Variants in CNTN6 observed in about 807,000 individuals in gnomAD.
The protein encoded by CNTN6 is contactin 6, also known as contactin-6.
A neutral mutation model predicts 122.8 loss-of-function variants in CNTN6; 137 were observed. That is an observed-to-expected ratio of 1.12 (90% CI 0.97 to 1.29). The LOEUF is 1.29. Among genes scored for constraint, CNTN6 ranks in the 50% most tolerant of loss-of-function variants. The pLI is 0.00. For missense variants in CNTN6, 1,634 were observed against 1,223.4 expected (o/e 1.34, Z -5.01); for synonymous variants, 570 against 426.0 (o/e 1.34, Z -4.16).
At chr3:1,199,469 C>A (rs907835812) in intron 2 of CNTN6, among the ~76,000 whole-genome samples, 1 of 152,002 alleles carries the variant, frequency 6.6e-6, no homozygotes, top group Non-Finnish European at 1.5e-5. Flanking sequence ...TGTGAGCCAC[C>A]ACACCCAGCC....
intron 19 of CNTN6, among the ~76,000 whole-genome samples, chr3:1,384,716 A>G: frequency 7.3e-6 from 1 of 137,478 alleles, no homozygotes; most frequent in East Asian, 2.0e-4. Context: ...ACATATACAT[A>G]CTATATATAC....
At chr3:1,330,008 G>T in intron 11 of CNTN6, 73 bp downstream of exon 11, 1 of 1,193,372 alleles carries the variant, frequency 8.4e-7, no homozygotes, top group Non-Finnish European at 1.1e-6. Context: ...GGTTTTAGTA[G>T]GCCTTTCAAA....
At position 1,359,897 on chromosome 3, in the gene CNTN6, G is replaced by C. The variant is rs562068634; in HGVS notation, c.1492+7446G>C. On this transcript the variant is annotated intron_variant, in intron 12 of 22. Transcript: ENST00000446702. The stretch of plus-strand genomic sequence containing the variant: ...GTGTTTGCTTTCCCTTCTTTTGTTC[G>C]TTTGCTTAGTTTTCTACGGACTTGC... Among the ~76,000 whole-genome samples the C allele has an allele frequency of 2.1e-3, 317 of 151,900 alleles. 3 individuals carry two copies. Among genetic ancestry groups the C allele is most frequent in the South Asian group, 0.016 (77 of 4,818 alleles).
intron 7 of CNTN6, among the ~76,000 whole-genome samples, chr3:1,319,997 A>T (rs1017385169): frequency 6.6e-6 from 1 of 151,666 alleles, no homozygotes; most frequent in Non-Finnish European, 1.5e-5. Flanking sequence ...GTGAATATCT[A>T]TGTGAATAAA....
At position 1,297,930 on chromosome 3, in the gene CNTN6, C is replaced by T. The variant is rs267599602; in HGVS notation, c.700C>T (p.Pro234Ser). 1 of 1,612,794 alleles carries T rather than the reference C, an allele frequency of 6.2e-7. No homozygotes were observed. ...EYEPKIEVRF[P>S]ETIQAAKDSS... ...TGAACCAAAGATTGAAGTGCGTTTT[C>T]CTGAAACTATACAAGCTGCAAAGGA... The change falls in exon 7 of 23, where the codon CCT becomes TCT. Residue 234 changes from proline to serine, a missense_variant. By Grantham distance (74) the Pro-to-Ser change is moderately conservative. Coordinates refer to ENST00000446702, the MANE Select transcript of CNTN6 (RefSeq NM_001289080.2).
chr3:1,111,416 A>C (rs1024239627), intron 1 of CNTN6, among the ~76,000 whole-genome samples: 8 of 152,208 alleles, frequency 5.3e-5, no homozygotes, highest in African/African-American at 1.9e-4. Flanking sequence ...CCCATCTTAT[A>C]GAAAAGTAAA....
intron 4 of CNTN6, among the ~76,000 whole-genome samples, chr3:1,269,768 C>T (rs2094991156): frequency 6.6e-6 from 1 of 152,062 alleles, no homozygotes; most frequent in South Asian, 2.1e-4. Flanking sequence ...GCATTATGTG[C>T]TCCTTACTAT....
intron 5 of CNTN6, among the ~76,000 whole-genome samples, chr3:1,292,493 A>G (rs1049380255): frequency 2.0e-5 from 3 of 152,192 alleles, no homozygotes; most frequent in Non-Finnish European, 4.4e-5. Context: ...AGATCCCATG[A>G]TACCTGGCTC....
intron 2 of CNTN6, among the ~76,000 whole-genome samples, chr3:1,162,294 A>G (rs77812837): frequency 6.1e-5 from 2 of 32,540 alleles, no homozygotes; most frequent in Non-Finnish European, 9.9e-5. Context: ...CCTTGTTTGT[A>G]TTGTTTTGTT....
chr3:1,348,746 C>G (rs78782126), intron 11 of CNTN6, among the ~76,000 whole-genome samples: 2 of 151,864 alleles, frequency 1.3e-5, no homozygotes, highest in Non-Finnish European at 2.9e-5. Flanking sequence ...CTGAGCCCTC[C>G]GCCATCTAGT....
intron 14 of CNTN6, 118 bp downstream of exon 14, chr3:1,373,073 A>G: frequency 3.1e-6 from 2 of 642,550 alleles, no homozygotes; most frequent in Admixed American, 2.7e-5. Flanking sequence ...GTAATCAGAT[A>G]GAGTTTTATT....
At chr3:1,171,147 G>T (rs2125295378) in intron 2 of CNTN6, among the ~76,000 whole-genome samples, 1 of 152,176 alleles carries the variant, frequency 6.6e-6, no homozygotes, top group South Asian at 2.1e-4. Context: ...TTTGATCCCT[G>T]GGCTTAAATG....
At chr3:1,344,333 C>T (rs541260416) in intron 11 of CNTN6, among the ~76,000 whole-genome samples, 27 of 152,070 alleles carry the variant, frequency 1.8e-4, no homozygotes, top group Non-Finnish European at 3.5e-4. Context: ...TTGTCAGCTA[C>T]ATAGGTTGCT....
chr3:1,139,910 A>G (rs2092569997), intron 1 of CNTN6, among the ~76,000 whole-genome samples: 2 of 152,314 alleles, frequency 1.3e-5, no homozygotes, highest in African/African-American at 2.4e-5. Flanking sequence ...TTTCAGGCAC[A>G]TGTTCCTAAG....
At position 1,215,594 on chromosome 3, in the gene CNTN6, A is replaced by G. The variant is rs144256129; in HGVS notation, c.56-5093A>G. Among the ~76,000 whole-genome samples the G allele has an allele frequency of 7.2e-5, 11 of 152,232 alleles. 1 individual carries two copies. Among genetic ancestry groups the G allele is most frequent in the African/African-American group, 2.2e-4 (9 of 41,544 alleles). ...TTTTAAAAACTCATGCTCTTATTCTATAGCATAAAACTGTTTTGAGGAATT... is the reference window on the plus strand; with the variant it reads ...TTTTAAAAACTCATGCTCTTATTCTGTAGCATAAAACTGTTTTGAGGAATT... On this transcript the variant is annotated intron_variant, in intron 2 of 22. Transcript: ENST00000446702.
intron 1 of CNTN6, among the ~76,000 whole-genome samples, chr3:1,114,197 AAAAG>A (rs1325345563): frequency 1.3e-5 from 2 of 152,208 alleles, no homozygotes; most frequent in Non-Finnish European, 2.9e-5. Flanking sequence ...GAAATAAGAT[AAAAG>A]AAAGGAGAAG....
rs527798192 is a variant in CNTN6 at position 1,224,688 on chromosome 3, C to A, written c.183-3130C>A. Reference sequence around the variant, plus strand: ...AAGCGCGCACACATGCACACACACACACAAACACACACATATTACGGAAGG... The same window carrying A: ...AAGCGCGCACACATGCACACACACAAACAAACACACACATATTACGGAAGG... On this transcript the variant is annotated intron_variant, in intron 3 of 22. Transcript: ENST00000446702. Among the ~76,000 whole-genome samples the A allele has an allele frequency of 2.0e-3, 305 of 152,206 alleles. 2 individuals carry two copies. Among genetic ancestry groups the A allele is most frequent in the African/African-American group, 4.5e-3 (189 of 41,540 alleles).
chr3:1,122,005 C>T (rs1023558156), intron 1 of CNTN6, among the ~76,000 whole-genome samples: 3 of 151,916 alleles, frequency 2.0e-5, no homozygotes, highest in African/African-American at 7.2e-5. Context: ...TCTCTCTAGA[C>T]CTCAGTTTTC....
intron 4 of CNTN6, among the ~76,000 whole-genome samples, chr3:1,251,869 T>C (rs1380230261): frequency 6.6e-6 from 1 of 152,182 alleles, no homozygotes; most frequent in Non-Finnish European, 1.5e-5. Context: ...GCTTGATACT[T>C]AGTTCTGATT....
Sources: allele counts gnomAD v4.1 joint callset (sites outside exome capture counted in the v4.1 genomes callset), GRCh38; gene constraint gnomAD v4.1.1; transcripts MANE v1.5; gene names NCBI Gene and HGNC (gene_info 2026-07-23, HGNC 2026-07-21).